Variants in HERC3 observed in about 807,000 individuals in gnomAD.
HERC3 encodes probable E3 ubiquitin-protein ligase HERC3.
In HERC3, 58 loss-of-function variants were observed where a neutral mutation model predicts 129.9. That is an observed-to-expected ratio of 0.45 (90% confidence interval 0.36 to 0.56). The LOEUF (loss-of-function observed/expected upper bound fraction) is 0.56, where lower values mean the gene tolerates loss of function less well. Ranked by LOEUF, HERC3 falls within the 20% of genes least tolerant of loss-of-function variation. HERC3 has a pLI of 0.00. For synonymous variants in HERC3, 430 were observed against 451.0 expected, an observed-to-expected ratio of 0.95 and a Z score of 0.59; for missense variants, 835 against 1,244.2, an observed-to-expected ratio of 0.67 and a Z score of 4.95.
chr4:88,641,140 A>G (rs1728045598), intron 3 of HERC3, among the ~76,000 whole-genome samples: 1 of 152,244 alleles, frequency 6.6e-6, no homozygotes, highest in Admixed American at 6.5e-5. Context: ...CTAGAAATTA[A>G]TAGGAGAAAA....
the HERC3 span, among the ~76,000 whole-genome samples, chr4:88,541,091 A>C: frequency 6.6e-6 from 1 of 152,200 alleles, no homozygotes; most frequent in Admixed American, 6.5e-5. Context: ...CACACATAAC[A>C]ATATTAACCT....
chr4:88,558,532 A>G, the HERC3 span, among the ~76,000 whole-genome samples: 2 of 152,312 alleles, frequency 1.3e-5, no homozygotes, highest in South Asian at 2.1e-4. Context: ...GGAATAAAAC[A>G]CTACATACTG....
At chr4:88,677,870 C>A (rs1434133158) in intron 18 of HERC3, 94 bp from the exon 19 acceptor site, 4 of 1,056,284 alleles carry the variant, frequency 3.8e-6, no homozygotes, top group Non-Finnish European at 5.6e-6. Flanking sequence ...AATGGAGATG[C>A]AGTCAGCGCC....
chr4:88,591,379 C>T (rs1430654587), upstream of HERC3, among the ~76,000 whole-genome samples: 1 of 152,200 alleles, frequency 6.6e-6, no homozygotes, highest in Non-Finnish European at 1.5e-5. Context: ...CCCCAGGATA[C>T]ACCACTCCTT....
At chr4:88,580,334 G>A in the HERC3 span, among the ~76,000 whole-genome samples, 2 of 152,166 alleles carry the variant, frequency 1.3e-5, no homozygotes, top group South Asian at 4.1e-4. Context: ...AGACCAGCCT[G>A]GCCAACAGGA....
rs780874278 is a variant in HERC3, at chr4:88,605,915, T to C, written c.92T>C (p.Ile31Thr). The C allele has an allele frequency of 6.2e-7, 1 of 1,614,086 alleles. No individual in the cohort carries two copies. Among genetic ancestry groups the C allele is most frequent in the Non-Finnish European group, 8.5e-7 (1 of 1,180,046 alleles). Residue 31 changes from isoleucine (I) to threonine (T), a missense_variant, in exon 3 of 26, where the codon ATA (isoleucine) becomes ACA (threonine). Transcript: ENST00000402738. Reference protein sequence around the residue: ...IVAEPQVCGFISDRSVKEVAC... With the variant: ...IVAEPQVCGFTSDRSVKEVAC... ...GCTGAGCCCCAGGTGTGTGGGTTCA[T>C]ATCTGACAGAAGTGTCAAGGAAGTG...
intron 5 of HERC3, among the ~76,000 whole-genome samples, chr4:88,652,309 C>G (rs1389587997): frequency 6.6e-6 from 1 of 152,136 alleles, no homozygotes; most frequent in Non-Finnish European, 1.5e-5. Context: ...CTCCAACTTT[C>G]ACAGGGGAAG....
intron 3 of HERC3, among the ~76,000 whole-genome samples, chr4:88,635,637 A>G (rs963968507): frequency 4.6e-5 from 7 of 152,176 alleles, no homozygotes; most frequent in Non-Finnish European, 1.0e-4. Context: ...CATTCAAATT[A>G]GGAAATACAG....
intron 23 of HERC3, among the ~76,000 whole-genome samples, chr4:88,688,941 G>A (rs758301581): frequency 5.9e-5 from 9 of 152,282 alleles, no homozygotes; most frequent in East Asian, 1.9e-4. Flanking sequence ...AGGAAAGAGC[G>A]GGTAGGGGGT....
chr4:88,656,774 C>G (rs1729948951), intron 9 of HERC3: 1 of 152,132 alleles, frequency 6.6e-6, no homozygotes, highest in Non-Finnish European at 1.5e-5. Context: ...CATTACTATG[C>G]AAAGCACTCA....
At chr4:88,606,646 G>T (rs1723672979) in intron 3 of HERC3, among the ~76,000 whole-genome samples, 2 of 152,166 alleles carry the variant, frequency 1.3e-5, no homozygotes, top group Admixed American at 1.3e-4. Context: ...AAGGTGAAAG[G>T]CATGTTTCAC....
the HERC3 span, among the ~76,000 whole-genome samples, chr4:88,557,904 T>C: frequency 6.6e-6 from 1 of 150,898 alleles, no homozygotes; most frequent in Non-Finnish European, 1.5e-5. Context: ...TTCTCGTCTC[T>C]ACTAAAAAAA....
chr4:88,571,435 C>A, the HERC3 span, among the ~76,000 whole-genome samples: 1 of 152,234 alleles, frequency 6.6e-6, no homozygotes, highest in East Asian at 1.9e-4. Flanking sequence ...AACTAAGTAG[C>A]AAAAGAAGAA....
chr4:88,647,060 G>A (rs1408609447), intron 3 of HERC3, among the ~76,000 whole-genome samples: 1 of 152,136 alleles, frequency 6.6e-6, no homozygotes, highest in Non-Finnish European at 1.5e-5. Flanking sequence ...AAAATGTAAG[G>A]AATGCTATCA....
At chr4:88,558,170 A>C in the HERC3 span, among the ~76,000 whole-genome samples, 2 of 152,068 alleles carry the variant, frequency 1.3e-5, no homozygotes. Flanking sequence ...AAAAGAAAAT[A>C]AGTCATTTTA....
At chr4:88,542,841 C>G in the HERC3 span, among the ~76,000 whole-genome samples, 1 of 152,064 alleles carries the variant, frequency 6.6e-6, no homozygotes, top group Non-Finnish European at 1.5e-5. Context: ...AGAAACCACA[C>G]AATTTTCTCT....
chr4:88,532,289 C>G, the HERC3 span, among the ~76,000 whole-genome samples: 1 of 152,108 alleles, frequency 6.6e-6, no homozygotes, highest in Non-Finnish European at 1.5e-5. Context: ...GCTGGAAAAC[C>G]AGCGGGAGAA....
At chr4:88,663,365 T>G (rs372004211) in intron 11 of HERC3, among the ~76,000 whole-genome samples, 4 of 152,204 alleles carry the variant, frequency 2.6e-5, no homozygotes, top group South Asian at 2.1e-4. Flanking sequence ...GCCAAGGAGC[T>G]CAGGCTGAAG....
intron 3 of HERC3, among the ~76,000 whole-genome samples, chr4:88,610,477 C>A (rs1724189712): frequency 6.7e-6 from 1 of 150,226 alleles, no homozygotes; most frequent in Non-Finnish European, 1.5e-5. Flanking sequence ...AAAAAGAACG[C>A]CTTACCCGTC....
Sources: allele counts gnomAD v4.1 joint callset (sites outside exome capture counted in the v4.1 genomes callset), GRCh38; gene constraint gnomAD v4.1.1; transcripts MANE v1.5; gene names NCBI Gene and HGNC (gene_info 2026-07-23, HGNC 2026-07-21).